LRFN5: variants seen among roughly 807,000 people sequenced by gnomAD.
LRFN5 encodes the protein leucine rich repeat and fibronectin type III domain containing 5, also known as leucine-rich repeat and fibronectin type-III domain-containing protein 5.
LRFN5 carries 24 observed loss-of-function variants against 45.6 expected under a neutral mutation model. The observed-to-expected ratio is 0.53, with a 90% CI of 0.38 to 0.74. LRFN5 has a LOEUF of 0.74. LRFN5 is among the 30% of genes least tolerant of loss of function. LRFN5 has a pLI of 0.00. For synonymous variants in LRFN5, 340 were observed against 313.8 expected (o/e 1.08, Z -0.88); for missense variants, 776 against 861.5 (o/e 0.90, Z 1.24).
At chr14:41,893,438 C>T (rs1890847536) in intron 4 of LRFN5, 1 of 984,984 alleles carries the variant, frequency 1.0e-6, no homozygotes, top group South Asian at 4.7e-5. Flanking sequence ...TGACCCATTG[C>T]TTTGCACAAA....
chr14:41,657,587 T>G (rs1420597956), intron 1 of LRFN5, among the ~76,000 whole-genome samples: 1 of 151,992 alleles, frequency 6.6e-6, no homozygotes, highest in Non-Finnish European at 1.5e-5. Context: ...TTTTAAAACC[T>G]TTTGATTTTA....
At chr14:41,717,902 C>T (rs1418679051) in intron 1 of LRFN5, among the ~76,000 whole-genome samples, 3 of 151,946 alleles carry the variant, frequency 2.0e-5, no homozygotes, top group Non-Finnish European at 2.9e-5. Context: ...GGTTTTAGAC[C>T]ATGTATATTA....
intron 1 of LRFN5, among the ~76,000 whole-genome samples, chr14:41,720,122 C>T (rs182803780): frequency 6.6e-6 from 1 of 152,078 alleles, no homozygotes; most frequent in East Asian, 1.9e-4. Context: ...CTCATCCATC[C>T]CTTTCATTCT....
intron 2 of LRFN5, among the ~76,000 whole-genome samples, chr14:41,858,314 G>A (rs961016844): frequency 1.3e-5 from 2 of 152,078 alleles, no homozygotes; most frequent in Non-Finnish European, 2.9e-5. Context: ...TGGCAGTTCT[G>A]CAGAACAAGT....
At chr14:41,725,008 C>T (rs940230094) in intron 1 of LRFN5, among the ~76,000 whole-genome samples, 1 of 151,970 alleles carries the variant, frequency 6.6e-6, no homozygotes, top group Non-Finnish European at 1.5e-5. Flanking sequence ...TTTATTGGCC[C>T]TGTTGAAGTG....
intron 1 of LRFN5, among the ~76,000 whole-genome samples, chr14:41,715,142 T>C (rs1349132930): frequency 6.6e-6 from 1 of 152,112 alleles, no homozygotes; most frequent in Non-Finnish European, 1.5e-5. Context: ...AGAGAGAAAA[T>C]TGAAACAAAT....
intron 1 of LRFN5, among the ~76,000 whole-genome samples, chr14:41,684,169 G>A (rs749245437): frequency 6.6e-6 from 1 of 152,108 alleles, no homozygotes; most frequent in African/African-American, 2.4e-5. Context: ...AAGGTGCCAG[G>A]AACATACAAT....
intron 1 of LRFN5, among the ~76,000 whole-genome samples, chr14:41,752,393 T>C (rs1273078256): frequency 1.3e-5 from 2 of 152,212 alleles, no homozygotes; most frequent in Non-Finnish European, 2.9e-5. Flanking sequence ...AGTGTAAAAG[T>C]GTTCCTATGT....
intron 1 of LRFN5, among the ~76,000 whole-genome samples, chr14:41,757,558 G>T (rs966934108): frequency 6.6e-6 from 1 of 152,210 alleles, no homozygotes; most frequent in Non-Finnish European, 1.5e-5. Context: ...CTCCGAGCCA[G>T]GTGTGGGATA....
chr14:41,903,897 A>G lies in LRFN5; in HGVS notation c.2143-261A>G, dbSNP rs530069948. 2.6e-5 allele frequency among the ~76,000 whole-genome samples: 4 copies of G among 152,172 alleles called. No individual in the cohort carries two copies. The South Asian group carries it at 8.3e-4, about 32-fold the overall frequency. On this transcript the variant is annotated intron_variant, in intron 5 of 5. Coordinates refer to ENST00000298119, the MANE Select transcript of LRFN5 (RefSeq NM_152447.5). ...TAGCTTTGACTTTACATAATTATCT[A>G]GGCTTCATATACTTAGATTAAAAAA... is the stretch of plus-strand genomic sequence containing the variant.
intron 2 of LRFN5, among the ~76,000 whole-genome samples, chr14:41,847,113 A>G (rs963354695): frequency 6.6e-6 from 1 of 152,184 alleles, no homozygotes; most frequent in Non-Finnish European, 1.5e-5. Flanking sequence ...AAACATATCA[A>G]GACAGGACTA....
intron 2 of LRFN5, among the ~76,000 whole-genome samples, chr14:41,785,521 C>T (rs1045842789): frequency 6.6e-6 from 1 of 152,072 alleles, no homozygotes; most frequent in Admixed American, 6.6e-5. Context: ...TCACATATGG[C>T]AGCGGTCCCC....
intron 1 of LRFN5, among the ~76,000 whole-genome samples, chr14:41,680,579 A>G (rs966012137): frequency 6.6e-6 from 1 of 152,196 alleles, no homozygotes; most frequent in Non-Finnish European, 1.5e-5. Context: ...CCCTAATGCA[A>G]ATATAGCTGC....
intron 1 of LRFN5, among the ~76,000 whole-genome samples, chr14:41,696,551 A>T (rs1022470775): frequency 1.3e-5 from 2 of 151,884 alleles, no homozygotes; most frequent in Non-Finnish European, 2.9e-5. Flanking sequence ...CAGACATCAC[A>T]ATCTGTTGAT....
At chr14:41,742,184 A>T (rs956961458) in intron 1 of LRFN5, among the ~76,000 whole-genome samples, 2 of 151,770 alleles carry the variant, frequency 1.3e-5, no homozygotes, top group South Asian at 2.1e-4. Flanking sequence ...ATGAATCTGA[A>T]ATCAGCATGT....
intron 1 of LRFN5, among the ~76,000 whole-genome samples, chr14:41,669,966 AAAT>A (rs998731074): frequency 4.3e-5 from 6 of 139,724 alleles, no homozygotes; most frequent in African/African-American, 1.7e-4. Context: ...TTAAAGAAAA[AAAT>A]AGTTAAAAAT....
intron 1 of LRFN5, among the ~76,000 whole-genome samples, chr14:41,673,169 C>G (rs1397270893): frequency 6.6e-6 from 1 of 152,136 alleles, no homozygotes; most frequent in East Asian, 1.9e-4. Context: ...CCCGCCTTTC[C>G]CCTCTTTCTA....
At chr14:41,650,405 G>C (rs1052664863) in intron 1 of LRFN5, among the ~76,000 whole-genome samples, 9 of 152,134 alleles carry the variant, frequency 5.9e-5, no homozygotes, top group African/African-American at 2.2e-4. Context: ...AGGTCAATAT[G>C]TAATAGGTGA....
intron 1 of LRFN5, among the ~76,000 whole-genome samples, chr14:41,610,685 T>G (rs1182738133): frequency 1.3e-4 from 5 of 37,368 alleles, no homozygotes; most frequent in Admixed American, 1.0e-3. Context: ...AAAAAAAAAG[T>G]GTATTGCCTG....
Sources: gnomAD v4.1 joint callset for allele counts (sites outside exome capture counted in the v4.1 genomes callset) on GRCh38, gnomAD v4.1.1 for gene constraint, MANE v1.5 for transcripts, NCBI Gene and HGNC (gene_info 2026-07-23, HGNC 2026-07-21) for gene names.